The following CDON variants were observed in gnomAD, a reference collection of about 807,000 sequenced individuals.
CDON encodes the protein cell adhesion molecule-related/down-regulated by oncogenes.
A neutral mutation model predicts 120.9 loss-of-function variants in CDON; 73 were observed. The ratio of observed to expected loss-of-function variants is 0.60; its 90% CI spans 0.50 to 0.73. The LOEUF is 0.73. CDON is among the 30% of genes least tolerant of loss of function. The pLI is 0.00. For missense variants in CDON, 1,470 were observed against 1,587.3 expected (o/e 0.93, Z 1.26); for synonymous variants, 566 against 573.5 (o/e 0.99, Z 0.19).
intron 11 of CDON, among the ~76,000 whole-genome samples, chr11:126,000,163 C>A (rs1210175713): frequency 6.6e-6 from 1 of 152,138 alleles, no homozygotes; most frequent in Non-Finnish European, 1.5e-5. Flanking sequence ...ATATTATCCA[C>A]ATATTGTTAA....
chr11:126,009,369 A>G (rs1438501628), intron 8 of CDON, among the ~76,000 whole-genome samples: 2 of 152,184 alleles, frequency 1.3e-5, no homozygotes, highest in Non-Finnish European at 1.5e-5. Context: ...AAGGGTGCCC[A>G]CACACTGGTC....
At chr11:125,989,098 A>T (rs1946552636) in intron 15 of CDON, among the ~76,000 whole-genome samples, 1 of 152,218 alleles carries the variant, frequency 6.6e-6, no homozygotes, top group Admixed American at 6.5e-5. Context: ...TTAGAGTCAC[A>T]CAGAAACTAA....
chr11:126,021,227 CA>C lies in CDON; in HGVS notation c.349+20del. 1.2e-6 allele frequency: 2 copies of C among 1,612,974 alleles called. No homozygotes were observed. The highest frequency in any genetic ancestry group is 1.7e-5 in the Admixed American group (1 of 59,964). ...TAATTTCAAGAAAACCCATACCTAA[CA>C]GGGACAAAATTAAACTCACCTGCCA... On this transcript the variant is annotated intron_variant, in intron 3 of 19. Coordinates refer to ENST00000531738, the MANE Select transcript of CDON (RefSeq NM_001378964.1).
intron 1 of CDON, among the ~76,000 whole-genome samples, chr11:126,053,863 A>G (rs565719245): frequency 6.6e-6 from 1 of 151,868 alleles, no homozygotes; most frequent in South Asian, 2.1e-4. Flanking sequence ...CCTAATTGTT[A>G]CTGCCTGTTA....
intron 18 of CDON, among the ~76,000 whole-genome samples, chr11:125,977,718 T>C (rs147915502): frequency 1.3e-5 from 2 of 152,286 alleles, no homozygotes; most frequent in East Asian, 3.9e-4. Context: ...TAAATGCACA[T>C]TGCTCTCCAT....
intron 1 of CDON, among the ~76,000 whole-genome samples, chr11:126,052,484 G>A (rs927042527): frequency 6.6e-6 from 1 of 151,864 alleles, no homozygotes; most frequent in South Asian, 2.1e-4. Flanking sequence ...CCTCATCCAG[G>A]GATTCAACCA....
chr11:126,055,294 CAA>C (rs1383148677), intron 1 of CDON, among the ~76,000 whole-genome samples: 3 of 152,058 alleles, frequency 2.0e-5, no homozygotes, highest in African/African-American at 7.2e-5. Flanking sequence ...TGGTAACAGA[CAA>C]GAGATAAAGA....
At chr11:126,035,770 C>T (rs954124973) in intron 1 of CDON, among the ~76,000 whole-genome samples, 1 of 152,132 alleles carries the variant, frequency 6.6e-6, no homozygotes, top group East Asian at 1.9e-4. Flanking sequence ...GGATACAATG[C>T]CCTGATGAAA....
At chr11:125,966,472 A>G (rs1373522692) in intron 18 of CDON, among the ~76,000 whole-genome samples, 3 of 152,156 alleles carry the variant, frequency 2.0e-5, no homozygotes, top group Admixed American at 6.5e-5. Flanking sequence ...CTGAAGGAAC[A>G]GAGGAGGCAC....
intron 10 of CDON, among the ~76,000 whole-genome samples, chr11:126,002,916 T>G (rs1000766388): frequency 6.6e-6 from 1 of 152,292 alleles, no homozygotes; most frequent in East Asian, 1.9e-4. Flanking sequence ...GTGAACACCA[T>G]GTACACCCAA....
At chr11:125,964,958 G>A (rs902331096) in intron 18 of CDON, among the ~76,000 whole-genome samples, 8 of 152,088 alleles carry the variant, frequency 5.3e-5, no homozygotes, top group East Asian at 1.9e-4. Context: ...AAGGAGTCTC[G>A]CTCCGTTGCC....
Position 126,015,109 on chromosome 11 carries a change from T to C in CDON, c.1198+132A>G, listed in dbSNP as rs754166839. On this transcript the variant is annotated intron_variant, in intron 7 of 19. Coordinates refer to ENST00000531738, the MANE Select transcript of CDON (RefSeq NM_001378964.1). The stretch of plus-strand genomic sequence containing the variant: ...GCCTACCTGTCACTAGCCAGGACCA[T>C]GGAAAATGAACACCGTTCTTGTACG... 8.0e-4 allele frequency: 694 copies of C among 865,488 alleles called. 3 individuals carry two copies. The highest frequency in any genetic ancestry group is 1.8e-4 in the South Asian group (13 of 70,560). 53.6% of individuals were successfully genotyped at this position (865,488 alleles called of 1,614,324 possible). A position where few individuals can be genotyped will look rare whatever the true frequency, so the allele number is the denominator to read the frequency against.
chr11:125,977,486 T>C (rs1051652409), intron 18 of CDON, among the ~76,000 whole-genome samples: 2 of 152,212 alleles, frequency 1.3e-5, no homozygotes, highest in African/African-American at 4.8e-5. Context: ...CTCCCACCCA[T>C]ACTCCAGTTA....
At chr11:126,000,770 G>A (rs1946920889) in intron 11 of CDON, among the ~76,000 whole-genome samples, 2 of 152,146 alleles carry the variant, frequency 1.3e-5, no homozygotes, top group African/African-American at 2.4e-5. Context: ...AGTTCAAAGT[G>A]TTATAACCTG....
rs762266136 is a variant in CDON, at chr11:125,961,032, G to A, written c.3705C>T (p.Pro1235=). The A allele has an allele frequency of 7.4e-6, 12 of 1,613,974 alleles. No individual in the cohort carries two copies. Among genetic ancestry groups the A allele is most frequent in the East Asian group, 2.2e-5 (1 of 44,876 alleles). The change falls in exon 20 of 20, where the codon CCC becomes CCT. Residue 1235 remains proline (P), a synonymous_variant. Transcript: ENST00000531738. The stretch of plus-strand genomic sequence containing the variant: ...ACATTGTCTTCTCAGCACAGCCCTC[G>A]GGGACAGGTGGCAAAATAAGAGCAT... ...SWNALILPPV[P]EGCAEKTMWS... is the part of the protein sequence containing the mutation.
chr11:126,021,771 G>T (rs1211267451), intron 2 of CDON, among the ~76,000 whole-genome samples: 1 of 152,074 alleles, frequency 6.6e-6, no homozygotes, highest in East Asian at 1.9e-4. Context: ...GAATGCTGAT[G>T]ATATAAATCA....
In CDON at chr11:126,010,583, C is replaced by T. The variant is rs114866803; in HGVS notation, c.1310G>A (p.Arg437His). ...TATCAATCCATGGCTGTCATACCAA[C>T]GAATGACCGGAACCGGCAGCCCACT... The part of the protein sequence containing the change: ...NASGLPVPVI[R>H]WYDSHGLITS... Residue 437 changes from arginine (R) to histidine (H), a missense_variant, in exon 8 of 20, where the codon CGT (arginine) becomes CAT (histidine). Transcript: ENST00000531738. 647 of 1,614,074 alleles carry T rather than the reference C, an allele frequency of 4.0e-4. 2 individuals are homozygous for T. In the African/African-American group the frequency reaches 6.6e-3, roughly 17 times the overall value.
At chr11:125,964,156 A>G (rs1251540622) in intron 18 of CDON, among the ~76,000 whole-genome samples, 1 of 152,206 alleles carries the variant, frequency 6.6e-6, no homozygotes, top group Non-Finnish European at 1.5e-5. Context: ...TATTCAATGC[A>G]TGGAATCTAC....
At chr11:126,017,930 C>T (rs577443818) in intron 5 of CDON, among the ~76,000 whole-genome samples, 3 of 152,038 alleles carry the variant, frequency 2.0e-5, no homozygotes, top group East Asian at 3.9e-4. Flanking sequence ...GACAGAGTCA[C>T]ATTCTGTCAC....
Sources: allele counts gnomAD v4.1 joint callset (sites outside exome capture counted in the v4.1 genomes callset), GRCh38; gene constraint gnomAD v4.1.1; transcripts MANE v1.5; gene names NCBI Gene and HGNC (gene_info 2026-07-23, HGNC 2026-07-21).